The following PDGFRL variants were observed in gnomAD, a reference collection of about 807,000 sequenced individuals.
PDGFRL encodes the protein platelet-derived growth factor receptor-like protein.
Under a neutral mutation model 37.2 loss-of-function variants are expected in PDGFRL, and 46 were observed. That is an observed-to-expected ratio of 1.24 (90% CI 0.98 to 1.58). PDGFRL has a LOEUF of 1.58. Ranked by LOEUF, PDGFRL falls within the 40% of genes most tolerant of loss-of-function variation. The probability of loss-of-function intolerance (pLI) is 0.00; values close to 1 mark genes in which losing one functional copy is unlikely to be tolerated. For missense variants in PDGFRL, 692 were observed against 467.6 expected (o/e 1.48, Z -4.43); for synonymous variants, 251 against 184.3 (o/e 1.36, Z -2.93).
At chr8:17,636,783 G>A (rs764039294) in intron 5 of PDGFRL, among the ~76,000 whole-genome samples, 16 of 152,030 alleles carry the variant, frequency 1.1e-4, no homozygotes, top group Non-Finnish European at 1.0e-4. Flanking sequence ...TGTCATCTAT[G>A]ATTTCTTTCA....
At chr8:17,590,538 C>G (rs1170290802) in intron 2 of PDGFRL, among the ~76,000 whole-genome samples, 1 of 151,806 alleles carries the variant, frequency 6.6e-6, no homozygotes, top group African/African-American at 2.4e-5. Flanking sequence ...ATGGTGAAAC[C>G]CCGTCTCTAC....
chr8:17,615,297 TTTTG>T (rs1353702494), intron 2 of PDGFRL, among the ~76,000 whole-genome samples: 1 of 136,208 alleles, frequency 7.3e-6, no homozygotes, highest in Non-Finnish European at 1.6e-5. Flanking sequence ...TCTCTCATAT[TTTTG>T]TTTGTGATTT....
At chr8:17,622,947 G>T (rs963173252) in intron 3 of PDGFRL, among the ~76,000 whole-genome samples, 3 of 152,202 alleles carry the variant, frequency 2.0e-5, no homozygotes, top group Middle Eastern at 3.4e-3. Context: ...TTTCACTGGG[G>T]GTATGTTTAG....
chr8:17,592,960 A>C (rs1803974868), intron 2 of PDGFRL, among the ~76,000 whole-genome samples: 1 of 151,140 alleles, frequency 6.6e-6, no homozygotes, highest in Non-Finnish European at 1.5e-5. Context: ...ACTACTCTAC[A>C]CACACACCTT....
chr8:17,621,405 GTT>G, intron 3 of PDGFRL, among the ~76,000 whole-genome samples: 1 of 141,406 alleles, frequency 7.1e-6, no homozygotes, highest in East Asian at 2.0e-4. Flanking sequence ...TATTATTCCT[GTT>G]TTTTTTTTTT....
Sources: gnomAD v4.1 joint callset for allele counts (sites outside exome capture counted in the v4.1 genomes callset) on GRCh38, gnomAD v4.1.1 for gene constraint, MANE v1.5 for transcripts, NCBI Gene and HGNC (gene_info 2026-07-23, HGNC 2026-07-21) for gene names.